The following AMBRA1 variants were observed in gnomAD, a reference collection of about 807,000 sequenced individuals.
AMBRA1 encodes activating molecule in BECN1-regulated autophagy protein 1.
In AMBRA1, 47 loss-of-function variants were observed where a neutral mutation model predicts 125.4. The ratio of observed to expected loss-of-function variants is 0.37; its 90% CI spans 0.30 to 0.48. The LOEUF (loss-of-function observed/expected upper bound fraction) is 0.48, where lower values mean the gene tolerates loss of function less well. Among genes scored for constraint, AMBRA1 ranks in the 20% least tolerant of loss-of-function variants. The pLI, the probability that AMBRA1 is intolerant of heterozygous loss-of-function variation, is 0.99. For missense variants in AMBRA1, 1,331 were observed against 1,693.4 expected, an observed-to-expected ratio of 0.79 and a Z score of 3.76; for synonymous variants, 626 against 655.5, an observed-to-expected ratio of 0.95 and a Z score of 0.69.
At chr11:46,421,136 T>C (rs547784475) in intron 14 of AMBRA1, among the ~76,000 whole-genome samples, 22 of 152,210 alleles carry the variant, frequency 1.4e-4, no homozygotes, top group Non-Finnish European at 2.9e-4. Context: ...GCCAATATGA[T>C]AGATGAACCC....
chr11:46,515,381 G>A (rs1182103811), intron 7 of AMBRA1, among the ~76,000 whole-genome samples: 2 of 152,098 alleles, frequency 1.3e-5, no homozygotes, highest in African/African-American at 2.4e-5. Context: ...GCTGAGGCAC[G>A]AGAATCACTT....
intron 11 of AMBRA1, among the ~76,000 whole-genome samples, chr11:46,459,486 G>A (rs1295538264): frequency 1.3e-5 from 2 of 152,024 alleles, no homozygotes; most frequent in African/African-American, 4.8e-5. Flanking sequence ...CGACGCAAGT[G>A]GATCACCTGA....
intron 14 of AMBRA1, chr11:46,429,275 T>G: frequency 4.9e-6 from 4 of 818,356 alleles, no homozygotes; most frequent in Non-Finnish European, 7.8e-6. Context: ...GAAATCGGTG[T>G]GTGGGGAGTG....
chr11:46,463,893 G>A (rs891493362), intron 11 of AMBRA1, among the ~76,000 whole-genome samples: 1 of 152,226 alleles, frequency 6.6e-6, no homozygotes, highest in African/African-American at 2.4e-5. Flanking sequence ...CCAAGTGGGT[G>A]CAGGCCTTCT....
At chr11:46,509,522 C>T (rs1335249030) in intron 8 of AMBRA1, among the ~76,000 whole-genome samples, 2 of 152,114 alleles carry the variant, frequency 1.3e-5, no homozygotes, top group African/African-American at 2.4e-5. Context: ...ACATTGTCAG[C>T]ATTAGTGAAA....
chr11:46,470,578 G>T (rs2136878147), intron 11 of AMBRA1, among the ~76,000 whole-genome samples: 1 of 125,280 alleles, frequency 8.0e-6, no homozygotes, highest in East Asian at 2.3e-4. Context: ...GACAGAGTGA[G>T]ACTCCGTCTC....
At chr11:46,453,033 C>T (rs577432398) in intron 11 of AMBRA1, among the ~76,000 whole-genome samples, 277 of 152,276 alleles carry the variant, frequency 1.8e-3, no homozygotes, top group Middle Eastern at 3.4e-3. Context: ...ACCATCATTA[C>T]TGTCTAATTT....
intron 7 of AMBRA1, among the ~76,000 whole-genome samples, chr11:46,529,243 C>A (rs139588449): frequency 2.0e-5 from 3 of 152,190 alleles, no homozygotes; most frequent in African/African-American, 7.2e-5. Context: ...CATAATCTGG[C>A]GTAATGGAGA....
rs756008473 is a variant in AMBRA1, at chr11:46,542,755, C to G, written c.1262G>C (p.Arg421Pro). The G allele has an allele frequency of 6.2e-7, 1 of 1,613,862 alleles. No homozygotes were observed. Residue 421 changes from arginine to proline, a missense_variant, in exon 7 of 18, where the codon CGG (arginine) becomes CCG (proline). By Grantham distance (103) the Arg-to-Pro change is moderately radical. Around this residue, in one of 4 missense-constraint regions of AMBRA1, gnomAD observed 689 missense variants for 776.5 expected, o/e 0.89. Coordinates refer to ENST00000683756, the MANE Select transcript of AMBRA1 (RefSeq NM_001387011.1). This position sits in a 1 kb window ranked among gnomAD's most constrained non-coding sequence, Gnocchi z 5.9. ...GCGGGAGTTCAGACTGAGTACTGTC[C>G]GGGTCCACTCAGATCCTGTCAACCC... is the stretch of plus-strand genomic sequence containing the variant. Reference protein sequence around the residue: ...APGLTGSEWTRTVLSLNSRSE... With the variant: ...APGLTGSEWTPTVLSLNSRSE...
chr11:46,545,461 C>CAAA, intron 5 of AMBRA1, 143 bp downstream of exon 5: 1 of 835,376 alleles, frequency 1.2e-6, no homozygotes, highest in Non-Finnish European at 1.7e-6. Context: ...CACCCTGTCT[C>CAAA]AAAAAAAAAA....
intron 1 of AMBRA1, among the ~76,000 whole-genome samples, chr11:46,573,329 G>T (rs748676676): frequency 6.6e-6 from 1 of 151,848 alleles, no homozygotes; most frequent in Non-Finnish European, 1.5e-5. Flanking sequence ...GCTGGAACCC[G>T]GAGGGCAGAG....
chr11:46,499,513 C>A (rs1265208047), intron 9 of AMBRA1, among the ~76,000 whole-genome samples: 1 of 152,172 alleles, frequency 6.6e-6, no homozygotes, highest in African/African-American at 2.4e-5. Flanking sequence ...TCAGTAAGAG[C>A]TAGAATTCAG....
Position 46,543,418 on chromosome 11 carries a change from G to A in AMBRA1, c.619-20C>T. 1 of 1,612,168 alleles carries A rather than the reference G, an allele frequency of 6.2e-7. No individual in the cohort carries two copies. Among genetic ancestry groups the A allele is most frequent in the Non-Finnish European group, 8.5e-7 (1 of 1,179,372 alleles). ...ATCACCCTGCAACGTGGACCAGCAT[G>A]GGGCAGGGGGTAGAGCAAGGCAGTT... is the stretch of plus-strand genomic sequence containing the variant. On this transcript the variant is annotated intron_variant, in intron 6 of 17. Coordinates refer to ENST00000683756, the MANE Select transcript of AMBRA1 (RefSeq NM_001387011.1).
At chr11:46,457,355 AG>A (rs1948892689) in intron 11 of AMBRA1, among the ~76,000 whole-genome samples, 1 of 152,206 alleles carries the variant, frequency 6.6e-6, no homozygotes, top group Non-Finnish European at 1.5e-5. Context: ...AGGTGAGGTT[AG>A]ATCGGAAAAT....
intron 1 of AMBRA1, among the ~76,000 whole-genome samples, chr11:46,570,920 A>G (rs945889862): frequency 6.6e-6 from 1 of 152,194 alleles, no homozygotes; most frequent in Admixed American, 6.5e-5. Flanking sequence ...TGGAAAAAAA[A>G]TAAATGAACA....
rs924578193 is a variant in AMBRA1, at chr11:46,545,732, G to A, written c.423C>T (p.Ala141=). 1.2e-6 allele frequency: 2 copies of A among 1,614,174 alleles called. No individual in the cohort carries two copies. Among genetic ancestry groups the A allele is most frequent in the Non-Finnish European group, 1.7e-6 (2 of 1,180,028 alleles). Residue 141 remains alanine (A), a synonymous_variant, in exon 5 of 18, where the codon GCC becomes GCT. Coordinates refer to ENST00000683756, the MANE Select transcript of AMBRA1 (RefSeq NM_001387011.1). ...GAGCCGTAGGGTGGAAAGCCAGGGAGGCAATGGCATTGTTGCTATCTGTGA... is the reference window on the plus strand; with the variant it reads ...GAGCCGTAGGGTGGAAAGCCAGGGAAGCAATGGCATTGTTGCTATCTGTGA... The part of the protein sequence containing the change: ...SWFTDSNNAI[A]SLAFHPTAQL...
intron 9 of AMBRA1, among the ~76,000 whole-genome samples, chr11:46,496,304 C>T (rs770609382): frequency 6.6e-6 from 1 of 152,072 alleles, no homozygotes; most frequent in Non-Finnish European, 1.5e-5. Context: ...ATCCCTTGAA[C>T]CCAGGAGATG....
At chr11:46,582,429 A>G (rs1404719822) in intron 1 of AMBRA1, among the ~76,000 whole-genome samples, 1 of 152,152 alleles carries the variant, frequency 6.6e-6, no homozygotes, top group African/African-American at 2.4e-5. Context: ...ACACACTGCA[A>G]TTATATGTTT....
chr11:46,431,970 T>TA (rs1401616559), intron 14 of AMBRA1, among the ~76,000 whole-genome samples: 2 of 152,216 alleles, frequency 1.3e-5, no homozygotes, highest in Non-Finnish European at 1.5e-5. Context: ...GACATGATGT[T>TA]ATGTTACCCA....
Sources: gnomAD v4.1 joint callset for allele counts (sites outside exome capture counted in the v4.1 genomes callset) on GRCh38, gnomAD v4.1.1 for gene constraint, gnomAD v4.1.1 regional missense constraint, Gnocchi (gnomAD v3.1) non-coding constraint, MANE v1.5 for transcripts, NCBI Gene and HGNC (gene_info 2026-07-23, HGNC 2026-07-21) for gene names.